PTPRD: variants seen among roughly 807,000 people sequenced by gnomAD.
The protein encoded by PTPRD is receptor-type tyrosine-protein phosphatase delta.
Under a neutral mutation model 214.5 loss-of-function variants are expected in PTPRD, and 34 were observed. That is an observed-to-expected ratio of 0.16 (90% CI 0.12 to 0.21). The LOEUF is 0.21. Among genes scored for constraint, PTPRD ranks in the 10% least tolerant of loss-of-function variants. PTPRD has a pLI of 1.00. For synonymous variants in PTPRD, 1,128 were observed against 845.7 expected, an observed-to-expected ratio of 1.33 and a Z score of -5.79; for missense variants, 2,545 against 2,398.7, an observed-to-expected ratio of 1.06 and a Z score of -1.27.
chr9:8,984,160 CAT>C (rs1357676952), intron 11 of PTPRD, among the ~76,000 whole-genome samples: 1 of 151,904 alleles, frequency 6.6e-6, no homozygotes, highest in Non-Finnish European at 1.5e-5. Flanking sequence ...AATACAAAGA[CAT>C]GTAATTTTTA....
At chr9:10,364,283 G>T (rs1370944872) in intron 2 of PTPRD, among the ~76,000 whole-genome samples, 1 of 152,054 alleles carries the variant, frequency 6.6e-6, no homozygotes, top group East Asian at 1.9e-4. Context: ...TTACAGGCAT[G>T]AGCCACCACT....
intron 12 of PTPRD, among the ~76,000 whole-genome samples, chr9:8,726,303 G>C (rs953587609): frequency 3.3e-5 from 5 of 151,716 alleles, no homozygotes; most frequent in Admixed American, 3.3e-4. Context: ...AATGGGTCAG[G>C]TACAGCTGGG....
chr9:10,557,827 A>C (rs565427277), intron 2 of PTPRD, among the ~76,000 whole-genome samples: 2 of 152,186 alleles, frequency 1.3e-5, no homozygotes, highest in Non-Finnish European at 2.9e-5. Context: ...AGACTTCTCT[A>C]CTACATAGCA....
intron 11 of PTPRD, among the ~76,000 whole-genome samples, chr9:8,748,431 C>G (rs903990000): frequency 6.7e-6 from 1 of 149,416 alleles, no homozygotes; most frequent in African/African-American, 2.5e-5. Flanking sequence ...CCCAGGCATT[C>G]GAGCCGGCAA....
intron 14 of PTPRD, among the ~76,000 whole-genome samples, chr9:8,576,206 T>C (rs894219359): frequency 6.6e-6 from 1 of 152,168 alleles, no homozygotes; most frequent in Admixed American, 6.5e-5. Context: ...ATAGAATACC[T>C]GCAGCAATTC....
chr9:9,888,508 T>A (rs1601012359), intron 5 of PTPRD, among the ~76,000 whole-genome samples: 2 of 152,128 alleles, frequency 1.3e-5, no homozygotes. Flanking sequence ...AATGGCTTGG[T>A]GCTGTCCTCA....
intron 11 of PTPRD, among the ~76,000 whole-genome samples, chr9:8,810,278 A>G (rs550615637): frequency 1.3e-5 from 2 of 152,344 alleles, no homozygotes; most frequent in African/African-American, 4.8e-5. Context: ...TGGCGATATA[A>G]ACAACATGCC....
intron 8 of PTPRD, chr9:9,414,772 A>G (rs996711588): frequency 1.3e-5 from 2 of 152,206 alleles, no homozygotes; most frequent in Non-Finnish European, 2.9e-5. Context: ...TCATCTCCCA[A>G]TCTTTTATTT....
chr9:9,405,467 T>G (rs1022330880), intron 8 of PTPRD, among the ~76,000 whole-genome samples: 4 of 152,022 alleles, frequency 2.6e-5, no homozygotes, highest in African/African-American at 9.7e-5. Flanking sequence ...CTAAATTAAA[T>G]AGAACTGTGT....
intron 9 of PTPRD, among the ~76,000 whole-genome samples, chr9:9,200,479 A>G (rs573058907): frequency 2.8e-4 from 43 of 152,334 alleles, no homozygotes; most frequent in South Asian, 1.0e-3. Flanking sequence ...TGAGCAATAT[A>G]TTTTGTTGAT....
Position 8,507,492 on chromosome 9 carries a change from C to CT in PTPRD, c.1544-59dup. On this transcript the variant is annotated intron_variant, in intron 21 of 45. Transcript: ENST00000381196. ...AATCACCAGGAGTATTCACAAAGTT[C>CT]TTCCATTAGCGTAACCTGCTTAAAC... The CT allele has an allele frequency of 2.5e-6, 4 of 1,605,258 alleles. No individual in the cohort carries two copies. The South Asian group carries it at 4.5e-5, about 18-fold the overall frequency.
rs370009200 is a variant in PTPRD at position 8,494,190 on chromosome 9, G to GT, written c.2350-1212dup. Among the ~76,000 whole-genome samples the GT allele has an allele frequency of 6.9e-4, 105 of 151,536 alleles. 1 individual carries two copies. Among genetic ancestry groups the GT allele is most frequent in the South Asian group, 3.8e-3 (18 of 4,790 alleles). ...AATTATATTGTGTGAAATACAGTAG[G>GT]TTTTTTTTTAGCAAGGCTGTAACAG... On this transcript the variant is annotated intron_variant, in intron 26 of 45. Transcript: ENST00000381196.
chr9:9,645,457 G>GTATATATATATATATA (rs150506021), intron 7 of PTPRD, among the ~76,000 whole-genome samples: 6 of 134,368 alleles, frequency 4.5e-5, no homozygotes, highest in Admixed American at 7.3e-5. Flanking sequence ...CTACATATAT[G>GTATATATATATATATA]TATATATATA....
At chr9:10,049,399 A>T (rs1389994589) in intron 3 of PTPRD, among the ~76,000 whole-genome samples, 1 of 82,760 alleles carries the variant, frequency 1.2e-5, no homozygotes. Flanking sequence ...TTCTCTGGTT[A>T]AAAAAAAAAA....
At chr9:8,787,841 C>T (rs968935954) in intron 11 of PTPRD, among the ~76,000 whole-genome samples, 2 of 152,112 alleles carry the variant, frequency 1.3e-5, no homozygotes, top group Non-Finnish European at 2.9e-5. Context: ...AGTCATCTTC[C>T]AAATGAATGA....
At chr9:8,644,946 C>A (rs2096655832) in intron 12 of PTPRD, among the ~76,000 whole-genome samples, 1 of 152,210 alleles carries the variant, frequency 6.6e-6, no homozygotes, top group South Asian at 2.1e-4. Flanking sequence ...ATAAAGGTGC[C>A]ACTGGCCACA....
At chr9:8,594,948 C>A (rs1326653584) in intron 14 of PTPRD, among the ~76,000 whole-genome samples, 1 of 150,288 alleles carries the variant, frequency 6.7e-6, no homozygotes, top group Non-Finnish European at 1.5e-5. Context: ...CTGTAAGCTC[C>A]GCCTCCCAGG....
At chr9:10,603,487 C>T (rs1385344342) in intron 2 of PTPRD, among the ~76,000 whole-genome samples, 1 of 151,864 alleles carries the variant, frequency 6.6e-6, no homozygotes, top group Non-Finnish European at 1.5e-5. Context: ...TGTACAGAAT[C>T]TAGATAACTG....
intron 14 of PTPRD, among the ~76,000 whole-genome samples, chr9:8,610,949 T>G (rs898187625): frequency 6.6e-6 from 1 of 152,252 alleles, no homozygotes; most frequent in Admixed American, 6.5e-5. Context: ...GCTAATTACA[T>G]TAACATTTTC....
Sources: gnomAD v4.1 joint callset for allele counts (sites outside exome capture counted in the v4.1 genomes callset) on GRCh38, gnomAD v4.1.1 for gene constraint, MANE v1.5 for transcripts, NCBI Gene and HGNC (gene_info 2026-07-23, HGNC 2026-07-21) for gene names.